Variants in TOP6BL observed in about 807,000 individuals in gnomAD.
TOP6BL encodes type 2 DNA topoisomerase 6 subunit B-like.
chr11:66,842,733 C>T, the TOP6BL span: 23 of 1,059,980 alleles, frequency 2.2e-5, no homozygotes, highest in South Asian at 1.5e-4. Flanking sequence ...GACCTGCTGA[C>T]AGGGATGCGG....
chr11:66,806,184 T>TA, the TOP6BL span, among the ~76,000 whole-genome samples: 1 of 152,030 alleles, frequency 6.6e-6, no homozygotes, highest in Non-Finnish European at 1.5e-5. Context: ...CACAGGAGTG[T>TA]AAATGTTGGA....
At chr11:66,780,005 T>C in the TOP6BL span, among the ~76,000 whole-genome samples, 2 of 82,026 alleles carry the variant, frequency 2.4e-5, no homozygotes, top group African/African-American at 9.8e-5. Context: ...CACCAGGGCC[T>C]GTTGTGGGGT....
At chr11:66,817,255 G>T in the TOP6BL span, among the ~76,000 whole-genome samples, 31 of 152,254 alleles carry the variant, frequency 2.0e-4, no homozygotes, top group African/African-American at 7.5e-4. Flanking sequence ...TTTCCAGGTG[G>T]ATTTAAAAAA....
chr11:66,815,797 TTCTC>T, the TOP6BL span: 1 of 358,284 alleles, frequency 2.8e-6, no homozygotes. Context: ...TGTGTAGAGC[TTCTC>T]AGTAATGTAA....
At chr11:66,830,040 C>T in the TOP6BL span, among the ~76,000 whole-genome samples, 1 of 152,298 alleles carries the variant, frequency 6.6e-6, no homozygotes, top group South Asian at 2.1e-4. Context: ...CAGAACAATG[C>T]TTTCAATCAC....
At chr11:66,807,888 C>G in the TOP6BL span, among the ~76,000 whole-genome samples, 1 of 152,190 alleles carries the variant, frequency 6.6e-6, no homozygotes, top group African/African-American at 2.4e-5. Flanking sequence ...GTAAGGTGAA[C>G]CTGAAATAAA....
chr11:66,803,666 C>G, the TOP6BL span, among the ~76,000 whole-genome samples: 2 of 152,060 alleles, frequency 1.3e-5, no homozygotes, highest in African/African-American at 4.8e-5. Flanking sequence ...CTCAAGTGAT[C>G]CACCCACCTC....
chr11:66,748,672 G>T, the TOP6BL span, among the ~76,000 whole-genome samples: 4 of 152,104 alleles, frequency 2.6e-5, no homozygotes, highest in Admixed American at 2.6e-4. Context: ...TCTGGTGGTA[G>T]ATTTACAAAT....
At chr11:66,802,897 G>A in the TOP6BL span, among the ~76,000 whole-genome samples, 15 of 152,292 alleles carry the variant, frequency 9.8e-5, no homozygotes, top group Non-Finnish European at 1.9e-4. Context: ...TTTTGTAGAT[G>A]TGTTTCCTTG....
the TOP6BL span, chr11:66,813,839 T>C: frequency 1.9e-6 from 3 of 1,608,176 alleles, no homozygotes; most frequent in Non-Finnish European, 2.6e-6. Flanking sequence ...ATACTAAAAT[T>C]TGGCAGTTTT....
chr11:66,800,798 C>A, the TOP6BL span: 1 of 1,099,054 alleles, frequency 9.1e-7, no homozygotes, highest in Non-Finnish European at 1.3e-6. Flanking sequence ...GATATCTTGA[C>A]CCAAAGTCAC....
chr11:66,783,262 C>G, the TOP6BL span, among the ~76,000 whole-genome samples: 1 of 152,132 alleles, frequency 6.6e-6, no homozygotes, highest in African/African-American at 2.4e-5. Flanking sequence ...AGTTGGGAGG[C>G]TGAGGTAGGA....
the TOP6BL span, among the ~76,000 whole-genome samples, chr11:66,826,913 C>T: frequency 1.3e-5 from 2 of 150,158 alleles, no homozygotes; most frequent in African/African-American, 2.5e-5. Context: ...AAACTCCCGA[C>T]CTCAGGTGAT....
the TOP6BL span, chr11:66,761,685 C>G: frequency 3.0e-5 from 28 of 942,514 alleles, no homozygotes; most frequent in Non-Finnish European, 1.8e-5. Flanking sequence ...TTGTCCACCC[C>G]TTGGTCCGCA....
the TOP6BL span, among the ~76,000 whole-genome samples, chr11:66,834,486 C>G: frequency 6.6e-6 from 1 of 152,152 alleles, no homozygotes; most frequent in East Asian, 1.9e-4. Context: ...AGGTCAAATT[C>G]TTTGACCTCT....
chr11:66,752,746 C>T, the TOP6BL span, among the ~76,000 whole-genome samples: 36 of 152,276 alleles, frequency 2.4e-4, no homozygotes, highest in African/African-American at 8.4e-4. Flanking sequence ...AGCCACCGTT[C>T]CCGGCCTCTC....
chr11:66,828,968 GTTTT>G, the TOP6BL span, among the ~76,000 whole-genome samples: 1 of 129,212 alleles, frequency 7.7e-6, no homozygotes, highest in Non-Finnish European at 1.7e-5. Context: ...GTGTGTGTGT[GTTTT>G]TTGTTTTTTT....
the TOP6BL span, among the ~76,000 whole-genome samples, chr11:66,837,301 G>T: frequency 3.3e-5 from 5 of 150,770 alleles, no homozygotes; most frequent in Admixed American, 1.3e-4. Context: ...TAATTTTTTT[G>T]TATTTGTAAT....
At chr11:66,811,739 A>G in the TOP6BL span, among the ~76,000 whole-genome samples, 32 of 152,358 alleles carry the variant, frequency 2.1e-4, no homozygotes, top group African/African-American at 7.2e-4. Flanking sequence ...GTTTAATGCA[A>G]CAGTTATAAC....
Sources: allele counts gnomAD v4.1 joint callset (sites outside exome capture counted in the v4.1 genomes callset), GRCh38; gene constraint gnomAD v4.1.1; transcripts MANE v1.5; gene names NCBI Gene and HGNC (gene_info 2026-07-23, HGNC 2026-07-21).